The following ST6GAL2 variants were observed in gnomAD, a reference collection of about 807,000 sequenced individuals.
The protein encoded by ST6GAL2 is ST6 beta-galactoside alpha-2,6-sialyltransferase 2.
A neutral mutation model predicts 37.5 loss-of-function variants in ST6GAL2; 24 were observed. That is an observed-to-expected ratio of 0.64 (90% CI 0.46 to 0.90). ST6GAL2 has a LOEUF of 0.90. ST6GAL2 is among the 40% of genes least tolerant of loss of function. The pLI, the probability that ST6GAL2 is intolerant of heterozygous loss-of-function variation, is 0.00. For missense variants in ST6GAL2, 715 were observed against 712.7 expected, an observed-to-expected ratio of 1.00 and a Z score of -0.04; for synonymous variants, 306 against 295.1, an observed-to-expected ratio of 1.04 and a Z score of -0.38.
intron 1 of ST6GAL2, among the ~76,000 whole-genome samples, chr2:106,882,440 A>C (rs1454778109): frequency 6.6e-6 from 1 of 152,244 alleles, no homozygotes; most frequent in African/African-American, 2.4e-5. Flanking sequence ...GCTAAAGTAC[A>C]CTTTGATAAT....
chr2:106,839,485 C>T (rs1455546368), intron 2 of ST6GAL2, among the ~76,000 whole-genome samples: 9 of 152,176 alleles, frequency 5.9e-5, no homozygotes, highest in African/African-American at 2.2e-4. Context: ...GTGACCTATT[C>T]ATTTTTGTGT....
intron 1 of ST6GAL2, among the ~76,000 whole-genome samples, chr2:106,861,195 A>C (rs1677782999): frequency 6.6e-6 from 1 of 152,220 alleles, no homozygotes; most frequent in South Asian, 2.1e-4. Context: ...TGTGTCTCTG[A>C]GATGACACCA....
At chr2:106,810,979 TAG>T (rs1675587690) in intron 5 of ST6GAL2, among the ~76,000 whole-genome samples, 1 of 126,344 alleles carries the variant, frequency 7.9e-6, no homozygotes, top group Non-Finnish European at 1.7e-5. Context: ...ATAATAAAAC[TAG>T]TAATAATAAA....
intron 1 of ST6GAL2, among the ~76,000 whole-genome samples, chr2:106,850,150 A>G (rs1212537624): frequency 6.6e-6 from 1 of 152,136 alleles, no homozygotes; most frequent in Admixed American, 6.5e-5. Context: ...TTCTACCCAG[A>G]AGAAACTACC....
chr2:106,871,124 G>A (rs1407264279), intron 1 of ST6GAL2, among the ~76,000 whole-genome samples: 4 of 152,180 alleles, frequency 2.6e-5, no homozygotes, highest in Non-Finnish European at 5.9e-5. Context: ...TGTACAGCAT[G>A]TCACTGTACT....
chr2:106,879,668 T>C (rs1678660010), intron 1 of ST6GAL2, among the ~76,000 whole-genome samples: 1 of 149,092 alleles, frequency 6.7e-6, no homozygotes, highest in Non-Finnish European at 1.5e-5. Context: ...ATGTATATAA[T>C]AGAAATTATA....
In ST6GAL2 at chr2:106,804,865, G is replaced by GA. The variant is rs1675368417; in HGVS notation, c.*1812dup. On this transcript the variant is annotated 3_prime_UTR_variant, in exon 6 of 6. Coordinates refer to ENST00000409382, the MANE Select transcript of ST6GAL2 (RefSeq NM_001142351.2). ...TCAAAAAAAAAAAAAAAAAAGAAAA[G>GA]AAAAGAAATTAGAAAGGAACATGGC... The GA allele has an allele frequency of 7.5e-6, 1 of 132,952 alleles. No individual in the cohort carries two copies. Among genetic ancestry groups the GA allele is most frequent in the Non-Finnish European group, 1.6e-5 (1 of 60,872 alleles). 8.2% of individuals were successfully genotyped at this position (132,952 alleles called of 1,614,324 possible).
chr2:106,869,638 G>A (rs1296791886), intron 1 of ST6GAL2, among the ~76,000 whole-genome samples: 3 of 152,198 alleles, frequency 2.0e-5, no homozygotes, highest in East Asian at 3.9e-4. Context: ...AGACCTTTGA[G>A]AACATGAAAG....
intron 1 of ST6GAL2, among the ~76,000 whole-genome samples, chr2:106,850,990 C>A (rs1677336385): frequency 6.6e-6 from 1 of 152,178 alleles, no homozygotes; most frequent in Non-Finnish European, 1.5e-5. Context: ...TGTGCTTTGT[C>A]TACGATGGTT....
At chr2:106,868,742 A>G (rs1334200336) in intron 1 of ST6GAL2, among the ~76,000 whole-genome samples, 1 of 152,166 alleles carries the variant, frequency 6.6e-6, no homozygotes, top group Non-Finnish European at 1.5e-5. Context: ...ATCTGTGTAG[A>G]GTTTGGGGGT....
rs145947136 is a variant in ST6GAL2, at chr2:106,880,628, A to G, written c.-58+5465T>C. Among the ~76,000 whole-genome samples the G allele has an allele frequency of 5.9e-3, 906 of 152,352 alleles. 4 individuals are homozygous for G. The highest frequency in any genetic ancestry group is 9.3e-3 in the Non-Finnish European group (636 of 68,046). On this transcript the variant is annotated intron_variant, in intron 1 of 5. Transcript: ENST00000409382. ...GTTTTCCATATGTATCCTATTTATA[A>G]TAAACTAAGAGAAAGTTTAAATCTT... is the stretch of plus-strand genomic sequence containing the variant.
chr2:106,886,076 C>G lies in ST6GAL2; in HGVS notation c.-58+17G>C, dbSNP rs926634580. On this transcript the variant is annotated intron_variant, in intron 1 of 5. Transcript: ENST00000409382. ...CAAGAAAGGCGTCGCCAACCCTTAC[C>G]CAGTGCCCTCCCTTACCAGCCTTCT... 2.6e-5 allele frequency: 4 copies of G among 152,654 alleles called. No individual in the cohort carries two copies. The highest frequency in any genetic ancestry group is 6.5e-5 in the Admixed American group (1 of 15,314). The allele number at this position is 152,654 out of a possible 1,614,324, so 9.5% of individuals were successfully genotyped here. A position where few individuals can be genotyped will look rare whatever the true frequency, so the allele number is the denominator to read the frequency against.
chr2:106,879,910 CTAT>C (rs1289633897), intron 1 of ST6GAL2, among the ~76,000 whole-genome samples: 2 of 147,542 alleles, frequency 1.4e-5, no homozygotes, highest in African/African-American at 4.9e-5. Flanking sequence ...CAATTATATA[CTAT>C]TATACTTACA....
intron 1 of ST6GAL2, among the ~76,000 whole-genome samples, chr2:106,870,535 C>T (rs2104614836): frequency 6.6e-6 from 1 of 152,232 alleles, no homozygotes; most frequent in East Asian, 1.9e-4. Flanking sequence ...AACAAATAAA[C>T]AAGCAGAACA....
At position 106,802,206 on chromosome 2, in the gene ST6GAL2, A is replaced by G. The variant is rs1435711855; in HGVS notation, c.*4472T>C. ...TTTTCTTTTAACAGAAGGACATATAACATTTGCTTCCTTCTCTCAAAATAT... is the reference window on the plus strand; with the variant it reads ...TTTTCTTTTAACAGAAGGACATATAGCATTTGCTTCCTTCTCTCAAAATAT... On this transcript the variant is annotated 3_prime_UTR_variant, in exon 6 of 6. Transcript: ENST00000409382. The G allele has an allele frequency of 3.3e-5, 5 of 152,210 alleles. No homozygotes were observed. The highest frequency in any genetic ancestry group is 3.3e-4 in the Admixed American group (5 of 15,274). 9.4% of individuals were successfully genotyped at this position (152,210 alleles called of 1,614,324 possible).
At chr2:106,867,313 C>G (rs1417974732) in intron 1 of ST6GAL2, among the ~76,000 whole-genome samples, 2 of 152,148 alleles carry the variant, frequency 1.3e-5, no homozygotes, top group Non-Finnish European at 2.9e-5. Context: ...CAACACGGCT[C>G]TTCAGTTTCA....
chr2:106,880,718 C>T (rs906289880), intron 1 of ST6GAL2, among the ~76,000 whole-genome samples: 1 of 152,116 alleles, frequency 6.6e-6, no homozygotes, highest in African/African-American at 2.4e-5. Flanking sequence ...CAGAGATAAG[C>T]CACATAGGAA....
intron 1 of ST6GAL2, among the ~76,000 whole-genome samples, chr2:106,869,366 C>A (rs1678166474): frequency 6.6e-6 from 1 of 152,184 alleles, no homozygotes; most frequent in South Asian, 2.1e-4. Context: ...GCTACTCTGT[C>A]AATTTTCTGC....
intron 1 of ST6GAL2, among the ~76,000 whole-genome samples, chr2:106,875,178 T>G (rs1193566454): frequency 6.6e-6 from 1 of 150,698 alleles, no homozygotes; most frequent in African/African-American, 2.4e-5. Flanking sequence ...TTGTTTCTTT[T>G]TTTTTTTTTT....
Sources: gnomAD v4.1 joint callset for allele counts (sites outside exome capture counted in the v4.1 genomes callset) on GRCh38, gnomAD v4.1.1 for gene constraint, MANE v1.5 for transcripts, NCBI Gene and HGNC (gene_info 2026-07-23, HGNC 2026-07-21) for gene names.